Variants in LONP2 observed in about 807,000 individuals in gnomAD.
The protein encoded by LONP2 is lon peptidase 2, peroxisomal.
A neutral mutation model predicts 85.6 loss-of-function variants in LONP2; 60 were observed. That is an observed-to-expected ratio of 0.70 (90% CI 0.57 to 0.87). The LOEUF (loss-of-function observed/expected upper bound fraction) is 0.87, where lower values mean the gene tolerates loss of function less well. LONP2 is among the 40% of genes least tolerant of loss of function. The pLI is 0.00. For synonymous variants in LONP2, 395 were observed against 389.7 expected (o/e 1.01, Z -0.16); for missense variants, 860 against 1,063.5 (o/e 0.81, Z 2.66).
intron 4 of LONP2, among the ~76,000 whole-genome samples, chr16:48,260,322 T>A (rs1200637191): frequency 6.6e-6 from 1 of 152,208 alleles, no homozygotes; most frequent in Admixed American, 6.5e-5. Context: ...CTGGGCTGAA[T>A]GCAGTGGCTC....
intron 11 of LONP2, among the ~76,000 whole-genome samples, chr16:48,311,894 AT>A (rs1973038921): frequency 6.8e-6 from 1 of 147,080 alleles, no homozygotes; most frequent in Non-Finnish European, 1.5e-5. Context: ...TTCCTAAACT[AT>A]TGGGATTGCA....
At chr16:48,306,004 A>T (rs957520746) in intron 11 of LONP2, among the ~76,000 whole-genome samples, 2 of 152,186 alleles carry the variant, frequency 1.3e-5, no homozygotes, top group African/African-American at 4.8e-5. Flanking sequence ...ACTTGTGTAG[A>T]TGACAGTGAC....
intron 7 of LONP2, among the ~76,000 whole-genome samples, chr16:48,273,791 G>A (rs1972151772): frequency 6.6e-6 from 1 of 151,994 alleles, no homozygotes; most frequent in Non-Finnish European, 1.5e-5. Flanking sequence ...TTATTGTTAT[G>A]ATATATCTTA....
Position 48,356,008 on chromosome 16 carries a change from G to T in LONP2, c.*4206G>T, listed in dbSNP as rs1445187209. 1 of 152,134 alleles carries T rather than the reference G, an allele frequency of 6.6e-6. No homozygotes were observed. The highest frequency in any genetic ancestry group is 1.5e-5 in the Non-Finnish European group (1 of 68,026). 9.4% of individuals were successfully genotyped at this position (152,134 alleles called of 1,614,324 possible). ...ACTGGAGACATCCATGTTTTTACTT[G>T]GCTCTGCCCCTTTAGTGGTCCCTGT... On this transcript the variant is annotated 3_prime_UTR_variant, in exon 15 of 15. Transcript: ENST00000285737.
At chr16:48,263,341 C>G (rs976992378) in intron 6 of LONP2, among the ~76,000 whole-genome samples, 2 of 152,228 alleles carry the variant, frequency 1.3e-5, no homozygotes, top group African/African-American at 4.8e-5. Flanking sequence ...ACCATCACCT[C>G]CCATTTCCTT....
intron 11 of LONP2, among the ~76,000 whole-genome samples, chr16:48,328,861 C>T (rs964909058): frequency 2.0e-5 from 3 of 150,830 alleles, no homozygotes; most frequent in African/African-American, 7.3e-5. Context: ...GTGGGGGGAG[C>T]GGGAGCCAGT....
intron 2 of LONP2, 42 bp downstream of exon 2, chr16:48,252,407 G>A (rs1192898088): frequency 3.0e-6 from 4 of 1,336,862 alleles, no homozygotes; most frequent in Non-Finnish European, 3.1e-6. Flanking sequence ...TTTTTCTTTG[G>A]TTCTTTTGCT....
intron 7 of LONP2, among the ~76,000 whole-genome samples, chr16:48,275,530 G>A (rs1972189521): frequency 6.6e-6 from 1 of 152,154 alleles, no homozygotes; most frequent in Non-Finnish European, 1.5e-5. Flanking sequence ...AGTAAGTGCT[G>A]TAGACATTGC....
chr16:48,248,531 G>T (rs1269991491), intron 1 of LONP2, among the ~76,000 whole-genome samples: 1 of 152,094 alleles, frequency 6.6e-6, no homozygotes, highest in Non-Finnish European at 1.5e-5. Flanking sequence ...AAAGCCTTTT[G>T]AAACTGCAAA....
chr16:48,284,422 A>C (rs1447718625), intron 8 of LONP2, among the ~76,000 whole-genome samples: 2 of 152,168 alleles, frequency 1.3e-5, no homozygotes, highest in Non-Finnish European at 2.9e-5. Flanking sequence ...AGATGAAGCA[A>C]ATTTTACTGT....
intron 14 of LONP2, among the ~76,000 whole-genome samples, chr16:48,348,820 A>C (rs183185002): frequency 1.4e-4 from 21 of 152,290 alleles, no homozygotes; most frequent in Admixed American, 1.2e-3. Flanking sequence ...AGATTTGCTA[A>C]GGGAAAAAAA....
chr16:48,328,271 C>T lies in LONP2; in HGVS notation c.1796-5945C>T, dbSNP rs1480012846. 5.9e-5 allele frequency among the ~76,000 whole-genome samples: 9 copies of T among 151,668 alleles called. No individual in the cohort carries two copies. In the South Asian group the frequency reaches 1.5e-3, roughly 25 times the overall value. ...CTAAAAATACAAAAATTGGGCCGGG[C>T]GCGGTGGTTCACACCTGTAATCCCA... On this transcript the variant is annotated intron_variant, in intron 11 of 14. Coordinates refer to ENST00000285737, the MANE Select transcript of LONP2 (RefSeq NM_031490.5).
At position 48,244,348 on chromosome 16, in the gene LONP2, C is replaced by G. The variant is rs1971207042; in HGVS notation, c.-41C>G. The G allele has an allele frequency of 7.0e-7, 1 of 1,435,674 alleles. No individual in the cohort carries two copies. Among genetic ancestry groups the G allele is most frequent in the South Asian group, 1.3e-5 (1 of 74,976 alleles). The allele number at this position is 1,435,674 out of a possible 1,614,324, so 88.9% of individuals were successfully genotyped here. A position where few individuals can be genotyped will look rare whatever the true frequency, so the allele number is the denominator to read the frequency against. ...GGGCAGGCCGGGGGCAGCTGTCTGT[C>G]TGGCTCTTTTTGACAGCCCCCAGTG... On this transcript the variant is annotated 5_prime_UTR_variant, in exon 1 of 15. Coordinates refer to ENST00000285737, the MANE Select transcript of LONP2 (RefSeq NM_031490.5).
chr16:48,316,349 C>T (rs568745929), intron 11 of LONP2, among the ~76,000 whole-genome samples: 19 of 124,424 alleles, frequency 1.5e-4, no homozygotes, highest in East Asian at 6.5e-4. Context: ...TTTTTTGAGA[C>T]GGAGTCTCGC....
chr16:48,281,449 G>T (rs184330159), intron 8 of LONP2, among the ~76,000 whole-genome samples: 42 of 152,164 alleles, frequency 2.8e-4, no homozygotes, highest in African/African-American at 1.0e-3. Context: ...GTAGAATTTG[G>T]GCAAGTCTAT....
intron 1 of LONP2, among the ~76,000 whole-genome samples, chr16:48,246,143 C>CA (rs1971372195): frequency 6.6e-6 from 1 of 151,894 alleles, no homozygotes; most frequent in Non-Finnish European, 1.5e-5. Flanking sequence ...CAAAACAAAG[C>CA]AACAAAGACC....
intron 11 of LONP2, among the ~76,000 whole-genome samples, chr16:48,309,353 G>A (rs1370454999): frequency 6.6e-6 from 1 of 152,118 alleles, no homozygotes; most frequent in Non-Finnish European, 1.5e-5. Context: ...ACATATGTTC[G>A]TTTTATCTGA....
At chr16:48,319,534 A>G (rs1244057815) in intron 11 of LONP2, among the ~76,000 whole-genome samples, 2 of 152,108 alleles carry the variant, frequency 1.3e-5, no homozygotes, top group East Asian at 3.9e-4. Context: ...TTTATATTAT[A>G]TAGCCCACTG....
chr16:48,339,416 G>A (rs1287984630), intron 12 of LONP2, among the ~76,000 whole-genome samples: 1 of 152,180 alleles, frequency 6.6e-6, no homozygotes, highest in Non-Finnish European at 1.5e-5. Context: ...TGGTGGGGAT[G>A]GTAGAAATTG....
Sources: gnomAD v4.1 joint callset for allele counts (sites outside exome capture counted in the v4.1 genomes callset) on GRCh38, gnomAD v4.1.1 for gene constraint, MANE v1.5 for transcripts, NCBI Gene and HGNC (gene_info 2026-07-23, HGNC 2026-07-21) for gene names.